Variants in RLN1 observed in about 807,000 individuals in gnomAD.
RLN1 encodes the protein prorelaxin H1.
A neutral mutation model predicts 7.2 loss-of-function variants in RLN1; 4 were observed. The observed-to-expected ratio is 0.56, with a 90% CI of 0.28 to 1.28. RLN1 has a LOEUF of 1.28. Among genes scored for constraint, RLN1 ranks in the 50% most tolerant of loss-of-function variants. The pLI, the probability that RLN1 is intolerant of heterozygous loss-of-function variation, is 0.11. For synonymous variants in RLN1, 105 were observed against 86.0 expected (o/e 1.22, Z -1.22); for missense variants, 293 against 221.1 (o/e 1.32, Z -2.06).
In RLN1 at chr9:5,335,176, C is replaced by G. The variant is rs771500512; in HGVS notation, c.*75G>C. On this transcript the variant is annotated 3_prime_UTR_variant, in exon 2 of 2. Transcript: ENST00000223862. The stretch of plus-strand genomic sequence containing the variant: ...CTTATATTCTAATAATTAGTGGGAC[C>G]TGACAGAAGCATCAGTGAAATGTCA... The G allele has an allele frequency of 2.8e-5, 23 of 820,004 alleles. No homozygotes were observed. Among genetic ancestry groups the G allele is most frequent in the Non-Finnish European group, 3.6e-5 (19 of 531,242 alleles). 50.8% of individuals were successfully genotyped at this position (820,004 alleles called of 1,614,324 possible).
chr9:5,339,386 T>A (rs1816943509), intron 1 of RLN1, 150 bp downstream of exon 1: 2 of 562,818 alleles, frequency 3.6e-6, no homozygotes, highest in Admixed American at 3.5e-5. Flanking sequence ...AGCCCAAACT[T>A]TAGGGACCAG....
Position 5,335,024 on chromosome 9 carries a change from A to T in RLN1, c.*227T>A, listed in dbSNP as rs1816856797. On this transcript the variant is annotated 3_prime_UTR_variant, in exon 2 of 2. Coordinates refer to ENST00000223862, the MANE Select transcript of RLN1 (RefSeq NM_006911.4). Reference sequence around the variant, plus strand: ...GTTAACAGCATTAAAAAGAATCAACACAATTATACTGTTAATAAAAAGACA... The same window carrying T: ...GTTAACAGCATTAAAAAGAATCAACTCAATTATACTGTTAATAAAAAGACA... The T allele has an allele frequency of 1.2e-5, 5 of 403,308 alleles. No individual in the cohort carries two copies. The South Asian group carries it at 3.1e-4, about 25-fold the overall frequency. The allele number at this position is 403,308 out of a possible 1,614,324, so 25.0% of individuals were successfully genotyped here.
In RLN1 at chr9:5,339,736, A is replaced by G. The variant is rs756901257; in HGVS notation, c.11T>C (p.Leu4Pro). The G allele has an allele frequency of 6.2e-6, 10 of 1,613,514 alleles. No individual in the cohort carries two copies. The South Asian group carries it at 9.9e-5, about 16-fold the overall frequency. Residue 4 changes from leucine to proline, a missense_variant, in exon 1 of 2, where the codon CTG becomes CCG. Leu to Pro is a moderately conservative substitution (Grantham distance 98). Coordinates refer to ENST00000223862, the MANE Select transcript of RLN1 (RefSeq NM_006911.4). ...GAATTCTAGCAGGTGGAACAAGAACAGGCGAGGCATCCTGGGCCTGGTCTC... is the reference window on the plus strand; with the variant it reads ...GAATTCTAGCAGGTGGAACAAGAACGGGCGAGGCATCCTGGGCCTGGTCTC... The part of the protein sequence containing the change: MPR[L>P]FLFHLLEFCL...
chr9:5,339,784 GC>G lies in RLN1; in HGVS notation c.-39del. The G allele has an allele frequency of 2.4e-5, 39 of 1,606,722 alleles. No individual in the cohort carries two copies. Among genetic ancestry groups the G allele is most frequent in the Non-Finnish European group, 3.3e-5 (39 of 1,174,198 alleles). On this transcript the variant is annotated 5_prime_UTR_variant, in exon 1 of 2. Coordinates refer to ENST00000223862, the MANE Select transcript of RLN1 (RefSeq NM_006911.4). ...CTCTCCTGGAGGTCTGGGTGTTGCAGCCTTTCAGGACTGCGGCTGCTGTGGC... is the reference window on the plus strand; with the variant it reads ...CTCTCCTGGAGGTCTGGGTGTTGCAGCTTTCAGGACTGCGGCTGCTGTGGC...
upstream of RLN1, among the ~76,000 whole-genome samples, chr9:5,340,464 A>G (rs1816968868): frequency 6.6e-6 from 1 of 152,218 alleles, no homozygotes; most frequent in Admixed American, 6.5e-5. Flanking sequence ...AGTTGTCTAA[A>G]TATTTTAATT....
chr9:5,339,492 C>G, intron 1 of RLN1, 44 bp downstream of exon 1: 1 of 1,407,364 alleles, frequency 7.1e-7, no homozygotes, highest in Non-Finnish European at 9.6e-7. Flanking sequence ...CCAGAGTAAC[C>G]AATGGGAAGC....
intron 1 of RLN1, among the ~76,000 whole-genome samples, chr9:5,336,211 A>C (rs922914114): frequency 6.6e-6 from 1 of 152,094 alleles, no homozygotes; most frequent in African/African-American, 2.4e-5. Context: ...AATTACTCCA[A>C]ATCAATAGTA....
At position 5,339,738 on chromosome 9, in the gene RLN1, G is replaced by T. The variant is rs56235721; in HGVS notation, c.9C>A (p.Arg3=). 65 of 1,613,362 alleles carry T rather than the reference G, an allele frequency of 4.0e-5. No homozygotes were observed. The highest frequency in any genetic ancestry group is 5.3e-5 in the Non-Finnish European group (63 of 1,180,014). ...ATTCTAGCAGGTGGAACAAGAACAGGCGAGGCATCCTGGGCCTGGTCTCTC... is the reference window on the plus strand; with the variant it reads ...ATTCTAGCAGGTGGAACAAGAACAGTCGAGGCATCCTGGGCCTGGTCTCTC... The part of the protein sequence containing the change: MP[R]LFLFHLLEFC... The change falls in exon 1 of 2, where the codon CGC becomes CGA. Residue 3 remains arginine, a synonymous_variant. Coordinates refer to ENST00000223862, the MANE Select transcript of RLN1 (RefSeq NM_006911.4).
chr9:5,337,029 A>G (rs1816909644), intron 1 of RLN1, among the ~76,000 whole-genome samples: 1 of 152,048 alleles, frequency 6.6e-6, no homozygotes. Context: ...AACCTGTAGT[A>G]TTTTGTCTTT....
chr9:5,337,135 C>G (rs992745064), intron 1 of RLN1, among the ~76,000 whole-genome samples: 1 of 151,936 alleles, frequency 6.6e-6, no homozygotes, highest in African/African-American at 2.4e-5. Context: ...GGCATTTTCC[C>G]TCATTAAGAC....
upstream of RLN1, chr9:5,340,004 T>A (rs140073699): frequency 1.8e-6 from 1 of 540,612 alleles, no homozygotes; most frequent in East Asian, 3.2e-5. Context: ...ATTTGCCCAT[T>A]CCTCTGTCCT....
chr9:5,335,639 C>T (rs2146074), intron 1 of RLN1, 42 bp from the exon 2 acceptor site: 848,140 of 1,252,934 alleles, frequency 0.68, 288,413 homozygotes, highest in South Asian at 0.8. Flanking sequence ...GGCGTATTCA[C>T]GTCAAAGAGC....
At chr9:5,336,175 A>AT (rs1222631746) in intron 1 of RLN1, among the ~76,000 whole-genome samples, 2 of 152,090 alleles carry the variant, frequency 1.3e-5, no homozygotes, top group African/African-American at 4.8e-5. Flanking sequence ...TCAATCATCT[A>AT]TTTAACAATT....
intron 1 of RLN1, among the ~76,000 whole-genome samples, chr9:5,336,412 T>A (rs72499177): frequency 0.27 from 41,646 of 151,808 alleles, 6,222 homozygotes; most frequent in East Asian, 0.4. Context: ...TTACACAGCA[T>A]CCCAGGCTGG....
upstream of RLN1, chr9:5,339,970 G>A (rs898932615): frequency 3.4e-6 from 2 of 586,134 alleles, no homozygotes; most frequent in African/African-American, 3.7e-5. Flanking sequence ...TTCAGCTCTT[G>A]TTCTGCCTCT....
intron 1 of RLN1, among the ~76,000 whole-genome samples, chr9:5,336,553 A>T (rs1816898077): frequency 6.6e-6 from 1 of 152,086 alleles, no homozygotes; most frequent in African/African-American, 2.4e-5. Flanking sequence ...ACTGCCAGTT[A>T]AAAGATATAA....
At chr9:5,340,114 T>C (rs192940976), upstream of RLN1, among the ~76,000 whole-genome samples, 4 of 152,204 alleles carry the variant, frequency 2.6e-5, no homozygotes, top group Admixed American at 2.6e-4. Context: ...TCTTTTTACA[T>C]ACACAGAAAT....
At chr9:5,337,624 T>C (rs1230091061) in intron 1 of RLN1, among the ~76,000 whole-genome samples, 1 of 151,988 alleles carries the variant, frequency 6.6e-6, no homozygotes, top group East Asian at 1.9e-4. Flanking sequence ...ACAGTATAAG[T>C]CTGAAAACTC....
chr9:5,340,047 T>G (rs1347329803), upstream of RLN1, among the ~76,000 whole-genome samples: 2 of 152,198 alleles, frequency 1.3e-5, no homozygotes, highest in African/African-American at 4.8e-5. Context: ...TTCGCTCTTT[T>G]GTTACCCTGA....
Sources: gnomAD v4.1 joint callset for allele counts (sites outside exome capture counted in the v4.1 genomes callset) on GRCh38, gnomAD v4.1.1 for gene constraint, MANE v1.5 for transcripts, NCBI Gene and HGNC (gene_info 2026-07-23, HGNC 2026-07-21) for gene names.